The following GSTA5 variants were observed in gnomAD, a reference collection of about 807,000 sequenced individuals.
GSTA5 encodes the protein glutathione S-transferase alpha 5, also known as glutathione S-transferase A5.
GSTA5 carries 25 observed loss-of-function variants against 21.8 expected under a neutral mutation model. That is an observed-to-expected ratio of 1.14 (90% confidence interval 0.83 to 1.60). GSTA5 has a LOEUF of 1.60. GSTA5 is among the 40% of genes most tolerant of loss of function. The pLI is 0.00. For synonymous variants in GSTA5, 102 were observed against 89.5 expected, an observed-to-expected ratio of 1.14 and a Z score of -0.78; for missense variants, 330 against 259.2, an observed-to-expected ratio of 1.27 and a Z score of -1.88.
At chr6:52,844,626 A>G (rs1764429020), upstream of GSTA5, among the ~76,000 whole-genome samples, 1 of 152,230 alleles carries the variant, frequency 6.6e-6, no homozygotes, top group Non-Finnish European at 1.5e-5. Context: ...GACTCCTCCC[A>G]TTACAAGGTT....
chr6:52,838,499 A>G (rs1024022005), intron 1 of GSTA5, among the ~76,000 whole-genome samples: 2 of 152,264 alleles, frequency 1.3e-5, no homozygotes, highest in Non-Finnish European at 2.9e-5. Context: ...TTCTTGATCT[A>G]CATCCAGTAA....
chr6:52,844,299 A>G (rs765348758), upstream of GSTA5, among the ~76,000 whole-genome samples: 2 of 152,134 alleles, frequency 1.3e-5, no homozygotes, highest in Non-Finnish European at 2.9e-5. Context: ...TATTCATAGT[A>G]TATTAGCCAA....
chr6:52,839,607 C>T (rs1269936352), intron 1 of GSTA5, among the ~76,000 whole-genome samples: 1 of 152,152 alleles, frequency 6.6e-6, no homozygotes, highest in Admixed American at 6.5e-5. Context: ...CTTCACAGGA[C>T]GCCACCTCAC....
upstream of GSTA5, among the ~76,000 whole-genome samples, chr6:52,842,965 T>C (rs1311609672): frequency 6.6e-6 from 1 of 152,166 alleles, no homozygotes; most frequent in Non-Finnish European, 1.5e-5. Flanking sequence ...TGTGTTCTCC[T>C]TGGTCAACTC....
At chr6:52,833,088 G>A in intron 4 of GSTA5, 98 bp from the exon 5 acceptor site, 2 of 1,372,130 alleles carry the variant, frequency 1.5e-6, no homozygotes, top group Non-Finnish European at 2.1e-6. Flanking sequence ...TCCCACCTCT[G>A]TTGCCTTATT....
At chr6:52,835,480 A>T (rs943236187) in intron 3 of GSTA5, among the ~76,000 whole-genome samples, 17 of 151,944 alleles carry the variant, frequency 1.1e-4, no homozygotes, top group Admixed American at 2.0e-4. Flanking sequence ...TGCATTGTTC[A>T]TTTCTGTAAA....
At chr6:52,840,552 TAAG>T (rs1481210771) in intron 1 of GSTA5, among the ~76,000 whole-genome samples, 172 bp downstream of exon 1, 5 of 152,256 alleles carry the variant, frequency 3.3e-5, no homozygotes, top group Admixed American at 1.3e-4. Context: ...TGCTCTTAGA[TAAG>T]AAGAAATTTT....
intron 3 of GSTA5, among the ~76,000 whole-genome samples, chr6:52,834,808 C>G (rs1764269809): frequency 6.6e-6 from 1 of 152,164 alleles, no homozygotes; most frequent in East Asian, 1.9e-4. Flanking sequence ...AGCAGTTCTT[C>G]CAATTACACC....
chr6:52,836,035 T>C (rs1192768582), intron 3 of GSTA5, among the ~76,000 whole-genome samples: 1 of 152,184 alleles, frequency 6.6e-6, no homozygotes, highest in Non-Finnish European at 1.5e-5. Context: ...CATCCTCTTT[T>C]AGAATCACCC....
rs368359339 is a variant in GSTA5 at position 52,834,360 on chromosome 6, G to A, written c.273-78C>T. 70 of 1,446,876 alleles carry A rather than the reference G, an allele frequency of 4.8e-5. No individual in the cohort carries two copies. The East Asian group carries it at 1.4e-3, about 29-fold the overall frequency. The allele number at this position is 1,446,876 out of a possible 1,614,324, so 89.6% of individuals were successfully genotyped here. ...AGGTTTATAAAAACCTAAGAAAATAGAGGGTCAGATGGTGGCAAAGTAATT... is the reference window on the plus strand; with the variant it reads ...AGGTTTATAAAAACCTAAGAAAATAAAGGGTCAGATGGTGGCAAAGTAATT... On this transcript the variant is annotated intron_variant, in intron 3 of 5. Coordinates refer to ENST00000370989, the Ensembl canonical transcript of GSTA5.
At chr6:52,838,846 T>C (rs1764327117) in intron 1 of GSTA5, among the ~76,000 whole-genome samples, 1 of 152,214 alleles carries the variant, frequency 6.6e-6, no homozygotes, top group Non-Finnish European at 1.5e-5. Context: ...AAAATGGGAA[T>C]ATAATATTTT....
intron 2 of GSTA5, 32 bp downstream of exon 2, chr6:52,837,526 T>C (rs4715350): frequency 1 from 1,451,666 of 1,452,770 alleles, 725,286 homozygotes; most frequent in South Asian, 1. Context: ...TACTAGAAAC[T>C]CTCATCAGAG....
chr6:52,845,597 C>T (rs1764443097), upstream of GSTA5, among the ~76,000 whole-genome samples: 2 of 152,286 alleles, frequency 1.3e-5, no homozygotes, highest in East Asian at 1.9e-4. Flanking sequence ...GAATCTAGTC[C>T]TCCTGACATT....
chr6:52,846,108 T>C, the GSTA5 span: 5 of 163,508 alleles, frequency 3.1e-5, no homozygotes, highest in African/African-American at 4.8e-5. Flanking sequence ...ATTCCAGGTC[T>C]TAATGTATTT....
intron 3 of GSTA5, among the ~76,000 whole-genome samples, chr6:52,834,843 C>T (rs777369862): frequency 3.3e-5 from 5 of 152,202 alleles, no homozygotes; most frequent in Admixed American, 1.3e-4. Context: ...CCACAGCCCT[C>T]TCCATGTGCT....
At chr6:52,838,359 C>T (rs1346373091) in intron 1 of GSTA5, among the ~76,000 whole-genome samples, 5 of 152,164 alleles carry the variant, frequency 3.3e-5, no homozygotes, top group Admixed American at 6.5e-5. Context: ...GGTATACTTA[C>T]GGCACCTATG....
At chr6:52,838,758 T>A (rs1764326282) in intron 1 of GSTA5, among the ~76,000 whole-genome samples, 1 of 152,264 alleles carries the variant, frequency 6.6e-6, no homozygotes, top group South Asian at 2.1e-4. Context: ...CTGGTTCCAA[T>A]CTTGACTCTG....
At position 52,834,296 on chromosome 6, in the gene GSTA5, A is replaced by C; in HGVS notation, c.273-14T>G. ...TACATATCAATCCTGAAAGACAAAA[A>C]CAACCAAACCATCAAATGCCTTTTG... On this transcript the variant is annotated splice_polypyrimidine_tract_variant and intron_variant, in intron 3 of 5. Coordinates refer to ENST00000370989, the Ensembl canonical transcript of GSTA5. 1.3e-6 allele frequency: 2 copies of C among 1,597,602 alleles called. No individual in the cohort carries two copies. The highest frequency in any genetic ancestry group is 1.7e-6 in the Non-Finnish European group (2 of 1,172,962).
intron 1 of GSTA5, 100 bp downstream of exon 1, chr6:52,840,627 C>A: frequency 1.9e-6 from 2 of 1,078,806 alleles, no homozygotes; most frequent in Admixed American, 3.9e-5. Context: ...TTATTTAAGG[C>A]ACAATGCTTC....
Sources: gnomAD v4.1 joint callset for allele counts (sites outside exome capture counted in the v4.1 genomes callset) on GRCh38, gnomAD v4.1.1 for gene constraint, MANE v1.5 for transcripts, NCBI Gene and HGNC (gene_info 2026-07-23, HGNC 2026-07-21) for gene names.